Variants in AGBL4 observed in about 807,000 individuals in gnomAD.
AGBL4 encodes cytosolic carboxypeptidase 6.
AGBL4 carries 58 observed loss-of-function variants against 66.4 expected under a neutral mutation model. The observed-to-expected ratio is 0.87, with a 90% CI of 0.71 to 1.09. The LOEUF is 1.09. AGBL4 is among the 50% of genes least tolerant of loss of function. The pLI is 0.00. For synonymous variants in AGBL4, 234 were observed against 222.9 expected, an observed-to-expected ratio of 1.05 and a Z score of -0.44; for missense variants, 579 against 631.0, an observed-to-expected ratio of 0.92 and a Z score of 0.88.
In AGBL4 at chr1:49,262,836, T is replaced by C. The variant is rs574958652; in HGVS notation, c.283-16972A>G. ...ACCCAAAGGACTATAAATCATGCTG[T>C]TATAAAGACACATGTACACGTATGT... On this transcript the variant is annotated intron_variant, in intron 3 of 13. Transcript: ENST00000371839. Among the ~76,000 whole-genome samples the C allele has an allele frequency of 1.5e-3, 223 of 152,156 alleles. 2 individuals carry two copies. The highest frequency in any genetic ancestry group is 9.6e-3 in the South Asian group (46 of 4,812).
At chr1:48,636,172 A>T (rs1002593616) in intron 8 of AGBL4, among the ~76,000 whole-genome samples, 1 of 152,212 alleles carries the variant, frequency 6.6e-6, no homozygotes, top group Non-Finnish European at 1.5e-5. Flanking sequence ...AAGAGGATTG[A>T]CTGACTGTAA....
At chr1:49,855,760 C>T (rs1284830396) in intron 1 of AGBL4, among the ~76,000 whole-genome samples, 1 of 151,874 alleles carries the variant, frequency 6.6e-6, no homozygotes, top group Non-Finnish European at 1.5e-5. Context: ...AAAAGCAGTG[C>T]TAAGGATATT....
intron 5 of AGBL4, among the ~76,000 whole-genome samples, chr1:48,955,522 T>C (rs1004389406): frequency 3.3e-5 from 5 of 152,164 alleles, no homozygotes; most frequent in African/African-American, 1.2e-4. Context: ...ATTGTTGTTG[T>C]TGTCATTGTT....
At chr1:48,747,471 T>TG (rs1650951645) in intron 6 of AGBL4, among the ~76,000 whole-genome samples, 1 of 152,216 alleles carries the variant, frequency 6.6e-6, no homozygotes. Flanking sequence ...CAAGAGGCAC[T>TG]GGGGACCCAG....
Position 49,574,404 on chromosome 1 carries a change from G to A in AGBL4, c.282+122909C>T, listed in dbSNP as rs769770965. On this transcript the variant is annotated intron_variant, in intron 3 of 13. Coordinates refer to ENST00000371839, the MANE Select transcript of AGBL4 (RefSeq NM_032785.4). ...GATTAAAAGATGGCCCACTGTGAGC[G>A]AGCTGGAAATGCCTGATCTCCCTTG... 7.9e-5 allele frequency among the ~76,000 whole-genome samples: 12 copies of A among 152,246 alleles called. No individual in the cohort carries two copies. In the East Asian group the frequency reaches 1.9e-3, roughly 25 times the overall value.
At chr1:48,985,572 A>T in intron 5 of AGBL4, among the ~76,000 whole-genome samples, 1 of 152,142 alleles carries the variant, frequency 6.6e-6, no homozygotes, top group Non-Finnish European at 1.5e-5. Context: ...CCTCAGTGGT[A>T]GGGAAAAATT....
intron 4 of AGBL4, among the ~76,000 whole-genome samples, chr1:49,073,707 C>T (rs916139414): frequency 2.6e-5 from 4 of 152,166 alleles, no homozygotes; most frequent in Non-Finnish European, 4.4e-5. Flanking sequence ...GGAGGTGTCT[C>T]CCAGTCAGGC....
chr1:49,782,512 T>C lies in AGBL4; in HGVS notation c.157+68884A>G, dbSNP rs1378598384. ...TTCAGGTTAAAATCCGAATCCTCCA[T>C]GTGATGTACTAGGAGGTAGCATCTT... On this transcript the variant is annotated intron_variant, in intron 2 of 13. Coordinates refer to ENST00000371839, the MANE Select transcript of AGBL4 (RefSeq NM_032785.4). Among the ~76,000 whole-genome samples the C allele has an allele frequency of 2.0e-5, 3 of 152,298 alleles. No homozygotes were observed. The East Asian group carries it at 5.8e-4, about 29-fold the overall frequency.
At chr1:49,121,252 G>A (rs532048999) in intron 4 of AGBL4, among the ~76,000 whole-genome samples, 10 of 152,230 alleles carry the variant, frequency 6.6e-5, no homozygotes, top group South Asian at 4.2e-4. Flanking sequence ...TTCCATTGCC[G>A]GCGAGGAGCT....
At chr1:49,019,918 C>A (rs543521754) in intron 5 of AGBL4, among the ~76,000 whole-genome samples, 1 of 152,160 alleles carries the variant, frequency 6.6e-6, no homozygotes, top group Non-Finnish European at 1.5e-5. Context: ...TAAGGGCGCA[C>A]GCTTTAAAAG....
intron 4 of AGBL4, among the ~76,000 whole-genome samples, chr1:49,083,331 T>C (rs1036644198): frequency 1.3e-5 from 2 of 152,250 alleles, no homozygotes; most frequent in Non-Finnish European, 2.9e-5. Context: ...GTCCTGCCCC[T>C]GCAGAAAACT....
chr1:49,253,337 T>C (rs935519594), intron 3 of AGBL4, among the ~76,000 whole-genome samples: 2 of 152,136 alleles, frequency 1.3e-5, no homozygotes, highest in Non-Finnish European at 2.9e-5. Context: ...AAAGGTTTGA[T>C]TCAACAAGAA....
intron 3 of AGBL4, among the ~76,000 whole-genome samples, chr1:49,331,409 A>T (rs565970076): frequency 6.6e-6 from 1 of 152,140 alleles, no homozygotes; most frequent in Non-Finnish European, 1.5e-5. Flanking sequence ...CTTCAGGAGG[A>T]GGGACAAGCC....
At chr1:49,758,948 C>G (rs928606458) in intron 2 of AGBL4, among the ~76,000 whole-genome samples, 1 of 152,100 alleles carries the variant, frequency 6.6e-6, no homozygotes, top group Non-Finnish European at 1.5e-5. Context: ...GAACTGTAAT[C>G]CCCAGGTGTC....
intron 1 of AGBL4, among the ~76,000 whole-genome samples, chr1:49,900,331 T>C: frequency 6.6e-6 from 1 of 151,886 alleles, no homozygotes; most frequent in East Asian, 2.0e-4. Flanking sequence ...CCACAAACTC[T>C]GCCTCCCAGG....
At chr1:48,840,464 T>C (rs1646773550) in intron 6 of AGBL4, among the ~76,000 whole-genome samples, 1 of 152,210 alleles carries the variant, frequency 6.6e-6, no homozygotes, top group Non-Finnish European at 1.5e-5. Context: ...GCATGTAAGA[T>C]ACCTAACAGT....
At chr1:49,913,864 G>T (rs1264351797) in intron 1 of AGBL4, among the ~76,000 whole-genome samples, 1 of 152,190 alleles carries the variant, frequency 6.6e-6, no homozygotes, top group Non-Finnish European at 1.5e-5. Context: ...CACTGTGCCA[G>T]AATGCAAGAA....
intron 1 of AGBL4, among the ~76,000 whole-genome samples, chr1:49,870,543 C>T (rs1187768923): frequency 1.3e-5 from 2 of 150,310 alleles, no homozygotes; most frequent in South Asian, 2.1e-4. Flanking sequence ...CAAAACATCT[C>T]GTGTGCCCCC....
intron 4 of AGBL4, among the ~76,000 whole-genome samples, chr1:49,166,857 A>G (rs538350765): frequency 2.0e-5 from 3 of 152,280 alleles, no homozygotes; most frequent in Admixed American, 1.3e-4. Flanking sequence ...ACTAGTCTAT[A>G]ACCTAACTTA....
Sources: allele counts gnomAD v4.1 joint callset (sites outside exome capture counted in the v4.1 genomes callset), GRCh38; gene constraint gnomAD v4.1.1; transcripts MANE v1.5; gene names NCBI Gene and HGNC (gene_info 2026-07-23, HGNC 2026-07-21).